Variants in CRYL1 observed in about 807,000 individuals in gnomAD.
CRYL1 encodes the protein lambda-crystallin homolog.
Under a neutral mutation model 36.6 loss-of-function variants are expected in CRYL1, and 29 were observed. That is an observed-to-expected ratio of 0.79 (90% CI 0.59 to 1.08). The LOEUF (loss-of-function observed/expected upper bound fraction) is 1.08. Among genes scored for constraint, CRYL1 ranks in the 50% least tolerant of loss-of-function variants. The pLI is 0.00. For synonymous variants in CRYL1, 152 were observed against 151.5 expected (o/e 1.00, Z -0.02); for missense variants, 411 against 407.9 (o/e 1.01, Z -0.06).
At chr13:20,459,812 C>T (rs1195291779) in intron 3 of CRYL1, among the ~76,000 whole-genome samples, 3 of 152,030 alleles carry the variant, frequency 2.0e-5, no homozygotes, top group Non-Finnish European at 4.4e-5. Flanking sequence ...ACTGATGCAA[C>T]AAACCTGCAT....
Position 20,502,246 on chromosome 13 carries a change from GAAAGAAA to G in CRYL1, c.149+10190_149+10196del, listed in dbSNP as rs1565985601. On this transcript the variant is annotated intron_variant, in intron 2 of 7. Coordinates refer to ENST00000298248, the MANE Select transcript of CRYL1 (RefSeq NM_015974.3). ...TGTGAACTTAAATGCACTGTAGGAA[GAAAGAAA>G]ACTACCTTCTGTCGCACAGGAGGGC... 2.6e-5 allele frequency: 4 copies of G among 152,470 alleles called. No individual in the cohort carries two copies. In the South Asian group the frequency reaches 8.3e-4, roughly 32 times the overall value. The allele number at this position is 152,470 out of a possible 1,614,324, so 9.4% of individuals were successfully genotyped here. A position where few individuals can be genotyped will look rare whatever the true frequency, so the allele number is the denominator to read the frequency against.
chr13:20,492,867 A>T (rs1489026365), intron 2 of CRYL1, among the ~76,000 whole-genome samples: 2 of 152,142 alleles, frequency 1.3e-5, no homozygotes, highest in African/African-American at 4.8e-5. Flanking sequence ...ACCAATCTGA[A>T]TTCTTGGCTT....
chr13:20,432,666 T>A lies in CRYL1; in HGVS notation c.439-370A>T, dbSNP rs115378654. Among the ~76,000 whole-genome samples the A allele has an allele frequency of 7.0e-3, 1,058 of 152,148 alleles. 10 individuals carry two copies. Among genetic ancestry groups the A allele is most frequent in the African/African-American group, 0.024 (1,014 of 41,512 alleles). On this transcript the variant is annotated intron_variant, in intron 4 of 7. Coordinates refer to ENST00000298248, the MANE Select transcript of CRYL1 (RefSeq NM_015974.3). The stretch of plus-strand genomic sequence containing the variant: ...CCTCCCAGCCCACCACCCCCCAGAA[T>A]CATGTCTTCCCATCTGCAGTCACCA...
chr13:20,488,410 G>A (rs2033442803), intron 3 of CRYL1, among the ~76,000 whole-genome samples: 1 of 152,186 alleles, frequency 6.6e-6, no homozygotes, highest in Admixed American at 6.5e-5. Context: ...CTCTCCTTGT[G>A]TTCTGTTGTG....
intron 4 of CRYL1, among the ~76,000 whole-genome samples, chr13:20,434,605 G>GC (rs1320050515): frequency 1.1e-4 from 7 of 64,190 alleles, no homozygotes; most frequent in Admixed American, 1.9e-4. Flanking sequence ...ACCCACACGC[G>GC]CCCCCCCACC....
intron 2 of CRYL1, among the ~76,000 whole-genome samples, chr13:20,504,326 C>T (rs2033755685): frequency 8.2e-6 from 1 of 121,492 alleles, no homozygotes; most frequent in South Asian, 2.7e-4. Flanking sequence ...TTTTTTGAGA[C>T]AGGGTCTCGC....
rs200828574 is a variant in CRYL1, at chr13:20,492,883, T to A, written c.150-3387A>T. ...CCAATCTGAATTCTTGGCTTGGGGG[T>A]TTTCCAGATGACACAGGTAGTATGA... On this transcript the variant is annotated intron_variant, in intron 2 of 7. Transcript: ENST00000298248. Among the ~76,000 whole-genome samples the A allele has an allele frequency of 3.5e-4, 53 of 151,644 alleles. No individual in the cohort carries two copies. The East Asian group carries it at 9.7e-3, about 28-fold the overall frequency.
rs757760012 is a variant in CRYL1 at position 20,439,768 on chromosome 13, G to T, written c.277-14C>A. ...TGGAACACATTCCTGAAAAGGACACGTTTAAATGACTATTCATGACCACTC... is the reference window on the plus strand; with the variant it reads ...TGGAACACATTCCTGAAAAGGACACTTTTAAATGACTATTCATGACCACTC... On this transcript the variant is annotated splice_polypyrimidine_tract_variant and intron_variant, in intron 3 of 7. Coordinates refer to ENST00000298248, the MANE Select transcript of CRYL1 (RefSeq NM_015974.3). The T allele has an allele frequency of 6.2e-7, 1 of 1,612,924 alleles. No individual in the cohort carries two copies. The highest frequency in any genetic ancestry group is 1.7e-5 in the Admixed American group (1 of 59,978).
intron 6 of CRYL1, among the ~76,000 whole-genome samples, chr13:20,409,776 G>T (rs2031472145): frequency 6.6e-6 from 1 of 150,502 alleles, no homozygotes; most frequent in African/African-American, 2.4e-5. Flanking sequence ...AAAAACACAT[G>T]AAAAAATGCT....
At chr13:20,499,826 T>G (rs993796311) in intron 2 of CRYL1, among the ~76,000 whole-genome samples, 1 of 152,222 alleles carries the variant, frequency 6.6e-6, no homozygotes, top group Non-Finnish European at 1.5e-5. Flanking sequence ...GTTAAATTGT[T>G]GTATCCCACA....
chr13:20,520,486 T>C (rs1045704904), intron 1 of CRYL1, among the ~76,000 whole-genome samples: 3 of 152,138 alleles, frequency 2.0e-5, no homozygotes, highest in East Asian at 1.9e-4. Context: ...CAGCAAATCC[T>C]TGGAATCGCA....
chr13:20,485,278 C>G (rs1201237071), intron 3 of CRYL1, among the ~76,000 whole-genome samples: 2 of 152,184 alleles, frequency 1.3e-5, no homozygotes, highest in African/African-American at 4.8e-5. Flanking sequence ...ATTGGCCTCC[C>G]AAAGTGCTGG....
At chr13:20,507,054 G>A (rs946645185) in intron 2 of CRYL1, among the ~76,000 whole-genome samples, 1 of 152,146 alleles carries the variant, frequency 6.6e-6, no homozygotes, top group African/African-American at 2.4e-5. Context: ...AAGTTCTCTT[G>A]TTGGCCACTC....
At chr13:20,444,863 C>T (rs34233641) in intron 3 of CRYL1, among the ~76,000 whole-genome samples, 7,025 of 152,210 alleles carry the variant, frequency 0.046, 347 homozygotes, top group Admixed American at 0.16. Flanking sequence ...ATTACAGGTG[C>T]GCAGCACCAT....
At chr13:20,412,553 T>G (rs1025514657) in intron 6 of CRYL1, among the ~76,000 whole-genome samples, 1 of 152,268 alleles carries the variant, frequency 6.6e-6, no homozygotes, top group African/African-American at 2.4e-5. Flanking sequence ...TACATAGTTT[T>G]AAAATTTTAC....
intron 4 of CRYL1, among the ~76,000 whole-genome samples, chr13:20,439,355 A>C (rs999759921): frequency 6.6e-6 from 1 of 152,050 alleles, no homozygotes; most frequent in African/African-American, 2.4e-5. Flanking sequence ...TTTTGGATAA[A>C]ATTCTTTTTT....
At chr13:20,440,416 G>A (rs2032326599) in intron 3 of CRYL1, among the ~76,000 whole-genome samples, 1 of 152,336 alleles carries the variant, frequency 6.6e-6, no homozygotes, top group East Asian at 1.9e-4. Context: ...AGAAAAGGCT[G>A]CTGGAAAATA....
intron 3 of CRYL1, among the ~76,000 whole-genome samples, chr13:20,448,764 C>T (rs1408173311): frequency 6.6e-6 from 1 of 152,180 alleles, no homozygotes; most frequent in Non-Finnish European, 1.5e-5. Context: ...AGAGAAACAA[C>T]TTATGGAATT....
At chr13:20,471,311 G>A (rs910360871) in intron 3 of CRYL1, among the ~76,000 whole-genome samples, 1 of 151,984 alleles carries the variant, frequency 6.6e-6, no homozygotes, top group East Asian at 1.9e-4. Context: ...GGTGGCTCAC[G>A]CCTGTAATCC....
Sources: gnomAD v4.1 joint callset for allele counts (sites outside exome capture counted in the v4.1 genomes callset) on GRCh38, gnomAD v4.1.1 for gene constraint, MANE v1.5 for transcripts, NCBI Gene and HGNC (gene_info 2026-07-23, HGNC 2026-07-21) for gene names.